Variants in KCNIP4 observed in about 807,000 individuals in gnomAD.
KCNIP4 encodes Kv channel-interacting protein 4.
KCNIP4 carries 12 observed loss-of-function variants against 34.0 expected under a neutral mutation model. The ratio of observed to expected loss-of-function variants is 0.35; its 90% CI spans 0.23 to 0.57. KCNIP4 has a LOEUF of 0.57. Among genes scored for constraint, KCNIP4 ranks in the 20% least tolerant of loss-of-function variants. KCNIP4 has a pLI of 0.83. For missense variants in KCNIP4, 238 were observed against 311.7 expected, an observed-to-expected ratio of 0.76 and a Z score of 1.78; for synonymous variants, 124 against 102.2, an observed-to-expected ratio of 1.21 and a Z score of -1.29.
chr4:20,979,269 G>A (rs1015910441), intron 1 of KCNIP4, among the ~76,000 whole-genome samples: 6 of 152,066 alleles, frequency 3.9e-5, no homozygotes, highest in African/African-American at 1.4e-4. Context: ...AGAACTTCTG[G>A]AAAAACTGGA....
Position 21,093,119 on chromosome 4 carries a change from A to G in KCNIP4, c.62-210410T>C, listed in dbSNP as rs75252732. On this transcript the variant is annotated intron_variant, in intron 1 of 8. Transcript: ENST00000382152. ...GCTTCCCACCATAAACACTTCTGAGACCCTTCCTAATAAAACCATTAAGGT... is the reference window on the plus strand; with the variant it reads ...GCTTCCCACCATAAACACTTCTGAGGCCCTTCCTAATAAAACCATTAAGGT... Among the ~76,000 whole-genome samples the G allele has an allele frequency of 3.1e-3, 467 of 152,294 alleles. 15 individuals are homozygous for G. In the East Asian group the frequency reaches 0.068, roughly 22 times the overall value.
At chr4:21,814,473 G>A (rs1441464333) in intron 1 of KCNIP4, among the ~76,000 whole-genome samples, 1 of 152,086 alleles carries the variant, frequency 6.6e-6, no homozygotes, top group Non-Finnish European at 1.5e-5. Context: ...GCTCTCTCCT[G>A]CCTGTCGCCA....
At chr4:21,437,457 T>A (rs1727045165) in intron 1 of KCNIP4, among the ~76,000 whole-genome samples, 1 of 152,216 alleles carries the variant, frequency 6.6e-6, no homozygotes, top group Non-Finnish European at 1.5e-5. Context: ...GCCATGCAGC[T>A]GTTCTTCCTC....
intron 1 of KCNIP4, among the ~76,000 whole-genome samples, chr4:21,252,867 T>C (rs919271310): frequency 2.0e-5 from 3 of 151,092 alleles, no homozygotes; most frequent in African/African-American, 7.3e-5. Flanking sequence ...GAGCCTTGGG[T>C]CCCATCCTAA....
chr4:21,689,854 A>C lies in KCNIP4; in HGVS notation c.61+258717T>G, dbSNP rs1041976129. On this transcript the variant is annotated intron_variant, in intron 1 of 8. Transcript: ENST00000382152. The stretch of plus-strand genomic sequence containing the variant: ...TCCTGAAGTTGGAAAATAATGATTC[A>C]CTGGCCATCCTCAGACATTATTACA... 5.3e-5 allele frequency among the ~76,000 whole-genome samples: 8 copies of C among 151,994 alleles called. No homozygotes were observed. The South Asian group carries it at 1.7e-3, about 31-fold the overall frequency.
chr4:21,224,701 C>A (rs1273482230), intron 1 of KCNIP4, among the ~76,000 whole-genome samples: 1 of 149,902 alleles, frequency 6.7e-6, no homozygotes, highest in Non-Finnish European at 1.5e-5. Flanking sequence ...ATTCTCCTGC[C>A]TCAGCCTCCC....
chr4:21,039,039 G>A (rs1472474869), intron 1 of KCNIP4, among the ~76,000 whole-genome samples: 1 of 152,124 alleles, frequency 6.6e-6, no homozygotes, highest in Admixed American at 6.5e-5. Flanking sequence ...AGAAGAGGCA[G>A]ACGTGGGATA....
intron 1 of KCNIP4, among the ~76,000 whole-genome samples, chr4:21,324,519 G>A (rs550143724): frequency 4.6e-5 from 7 of 151,912 alleles, no homozygotes; most frequent in Non-Finnish European, 7.4e-5. Flanking sequence ...TTTCATCAAT[G>A]TATGTTCTTG....
intron 7 of KCNIP4, 51 bp from the exon 8 acceptor site, chr4:20,732,119 T>C: frequency 7.9e-7 from 1 of 1,268,070 alleles, no homozygotes; most frequent in African/African-American, 1.5e-5. Context: ...CTTAATACCC[T>C]CACACCTGGA....
At chr4:21,668,266 G>C (rs1022287578) in intron 1 of KCNIP4, among the ~76,000 whole-genome samples, 12 of 152,042 alleles carry the variant, frequency 7.9e-5, no homozygotes, top group Non-Finnish European at 2.9e-5. Flanking sequence ...TAGAGGATGG[G>C]TCAACAGGTT....
At chr4:21,325,183 A>G (rs1714909868) in intron 1 of KCNIP4, among the ~76,000 whole-genome samples, 1 of 151,834 alleles carries the variant, frequency 6.6e-6, no homozygotes, top group Non-Finnish European at 1.5e-5. Flanking sequence ...GACTGGTGTT[A>G]ATTCTTCTTT....
chr4:20,765,741 G>T (rs1755340621), intron 3 of KCNIP4, among the ~76,000 whole-genome samples: 2 of 152,120 alleles, frequency 1.3e-5, no homozygotes, highest in Non-Finnish European at 2.9e-5. Flanking sequence ...ACCCTTCACT[G>T]TGATATGATC....
At chr4:21,580,524 G>A (rs1036720883) in intron 1 of KCNIP4, among the ~76,000 whole-genome samples, 5 of 152,000 alleles carry the variant, frequency 3.3e-5, no homozygotes, top group Admixed American at 6.6e-5. Context: ...GTATACTACC[G>A]AATATTGTTG....
At chr4:21,531,246 T>C (rs758735895) in intron 1 of KCNIP4, among the ~76,000 whole-genome samples, 45 of 152,038 alleles carry the variant, frequency 3.0e-4, no homozygotes, top group Non-Finnish European at 6.0e-4. Context: ...CAGAGGAAAT[T>C]GGGAAGTAGT....
chr4:20,740,824 C>A (rs962954650), intron 5 of KCNIP4, among the ~76,000 whole-genome samples: 1 of 152,012 alleles, frequency 6.6e-6, no homozygotes, highest in African/African-American at 2.4e-5. Flanking sequence ...TTCAGGAGAC[C>A]CATCTCGCCT....
At chr4:21,901,938 A>G (rs908106371) in intron 1 of KCNIP4, among the ~76,000 whole-genome samples, 8 of 152,296 alleles carry the variant, frequency 5.3e-5, no homozygotes, top group Admixed American at 2.6e-4. Context: ...GTGTCATGGA[A>G]TTCCTCAGAT....
chr4:21,816,509 T>C (rs1386747984), intron 1 of KCNIP4, among the ~76,000 whole-genome samples: 1 of 152,106 alleles, frequency 6.6e-6, no homozygotes, highest in Non-Finnish European at 1.5e-5. Context: ...TCAAAGAGCT[T>C]TAGCGTTTCA....
In KCNIP4 at chr4:21,931,792, C is replaced by T. The variant is rs1016908749; in HGVS notation, c.61+16779G>A. 2.0e-5 allele frequency among the ~76,000 whole-genome samples: 3 copies of T among 152,150 alleles called. No homozygotes were observed. The East Asian group carries it at 5.8e-4, about 30-fold the overall frequency. The stretch of plus-strand genomic sequence containing the variant: ...GATTTATAATCCTTTGGGTATATTC[C>T]CAGTAATGGGATTGCTGGGTCAAAT... On this transcript the variant is annotated intron_variant, in intron 1 of 8. Transcript: ENST00000382152.
chr4:20,778,064 G>A (rs1222544959), intron 3 of KCNIP4, among the ~76,000 whole-genome samples: 1 of 152,164 alleles, frequency 6.6e-6, no homozygotes, highest in Non-Finnish European at 1.5e-5. Flanking sequence ...CAAGGAAGAA[G>A]AGGCATTCAA....
Sources: gnomAD v4.1 joint callset for allele counts (sites outside exome capture counted in the v4.1 genomes callset) on GRCh38, gnomAD v4.1.1 for gene constraint, MANE v1.5 for transcripts, NCBI Gene and HGNC (gene_info 2026-07-23, HGNC 2026-07-21) for gene names.